CYREN: variants seen among roughly 807,000 people sequenced by gnomAD.
CYREN encodes cell cycle regulator of NHEJ.
In CYREN, 7 loss-of-function variants were observed where a neutral mutation model predicts 9.7. The observed-to-expected ratio is 0.72, with a 90% CI of 0.41 to 1.36. CYREN has a LOEUF of 1.36. CYREN is among the 40% of genes most tolerant of loss of function. CYREN has a pLI of 0.01. For synonymous variants in CYREN, 76 were observed against 77.9 expected (o/e 0.98, Z 0.13); for missense variants, 215 against 198.1 (o/e 1.09, Z -0.51).
At chr7:135,135,006 C>A in intron 2 of CYREN, 1 of 1,551,064 alleles carries the variant, frequency 6.4e-7, no homozygotes, top group South Asian at 1.2e-5. Flanking sequence ...TCAAAGGCCC[C>A]AAGAAGAATA....
chr7:135,165,150 G>A (rs2117479556), downstream of CYREN: 1 of 839,676 alleles, frequency 1.2e-6, no homozygotes, highest in East Asian at 2.7e-5. Context: ...AAGAGGCCGA[G>A]GGGCAGCAAG....
intron 2 of CYREN, among the ~76,000 whole-genome samples, chr7:135,108,665 A>G (rs1423046940): frequency 2.0e-5 from 3 of 151,916 alleles, no homozygotes; most frequent in African/African-American, 7.3e-5. Context: ...TCTGATGTTT[A>G]TGTGTCTTGG....
rs76824052 is a variant in CYREN at position 135,121,552 on chromosome 7, GAAA to G, written n.357-26973_357-26971del. On this transcript the variant is annotated intron_variant and non_coding_transcript_variant, in intron 2 of 2. Coordinates refer to the CYREN transcript ENST00000459937. ...GAAATCAATAGCCAAAGGGTAATAG[GAAA>G]AAAAAAAAAAAACCTAAACATTTGG... Among the ~76,000 whole-genome samples, 74 of 123,644 alleles carry G rather than the reference GAAA, an allele frequency of 6.0e-4. 1 individual carries two copies. Among genetic ancestry groups the G allele is most frequent in the African/African-American group, 2.0e-3 (68 of 33,514 alleles). 81.1% of individuals were successfully genotyped at this position (123,644 alleles called of 152,430 possible).
At chr7:135,135,014 A>G (rs1255171113) in intron 2 of CYREN, 1 of 1,551,228 alleles carries the variant, frequency 6.4e-7, no homozygotes, top group Non-Finnish European at 8.7e-7. Flanking sequence ...CCCAAGAAGA[A>G]TAAACATTCT....
chr7:135,099,944 G>A (rs1236838988), intron 2 of CYREN: 6 of 125,576 alleles, frequency 4.8e-5, no homozygotes, highest in Middle Eastern at 6.1e-3. Flanking sequence ...CTGGAGTGCA[G>A]TGGCATGATC....
chr7:135,160,542 C>T (rs1829904125), intron 2 of CYREN, among the ~76,000 whole-genome samples: 1 of 152,128 alleles, frequency 6.6e-6, no homozygotes, highest in South Asian at 2.1e-4. Context: ...TCCACCCTCT[C>T]CATACACAAG....
chr7:135,162,814 A>G (rs964527836), downstream of CYREN, among the ~76,000 whole-genome samples: 5 of 152,240 alleles, frequency 3.3e-5, no homozygotes, highest in African/African-American at 9.6e-5. Flanking sequence ...TGTAAAATAC[A>G]GTGTGCAGAC....
At chr7:135,116,425 T>A (rs921638847) in intron 2 of CYREN, among the ~76,000 whole-genome samples, 6 of 152,182 alleles carry the variant, frequency 3.9e-5, no homozygotes, top group African/African-American at 1.2e-4. Context: ...TATGAATACT[T>A]TCATAAGAAA....
chr7:135,147,625 A>G (rs1829572898), intron 2 of CYREN, among the ~76,000 whole-genome samples: 1 of 152,218 alleles, frequency 6.6e-6, no homozygotes. Context: ...TTTTGTGTCC[A>G]GAGAAGCCCA....
At chr7:135,167,636 C>T (rs566007889) in intron 3 of CYREN, 96 bp downstream of exon 3, 27 of 1,554,200 alleles carry the variant, frequency 1.7e-5, no homozygotes, top group Admixed American at 1.6e-4. Flanking sequence ...AGGTAGCCTA[C>T]GGCAGAGGGC....
intron 2 of CYREN, among the ~76,000 whole-genome samples, chr7:135,121,733 T>A (rs1225422296): frequency 6.6e-6 from 1 of 152,070 alleles, no homozygotes; most frequent in African/African-American, 2.4e-5. Flanking sequence ...CAGAACTGAC[T>A]AGGAGGCTGG....
chr7:135,128,452 G>C (rs1828261832), intron 2 of CYREN: 1 of 728,286 alleles, frequency 1.4e-6, no homozygotes, highest in Admixed American at 1.9e-5. Context: ...AATGTCAGAA[G>C]ACCAAGAAGC....
At chr7:135,109,386 G>A (rs549777398) in intron 2 of CYREN, among the ~76,000 whole-genome samples, 1 of 151,704 alleles carries the variant, frequency 6.6e-6, no homozygotes, top group South Asian at 2.1e-4. Flanking sequence ...GCTGCTATTG[G>A]CTCGATAGCC....
At chr7:135,124,268 A>G (rs1341766074) in intron 2 of CYREN, among the ~76,000 whole-genome samples, 1 of 152,056 alleles carries the variant, frequency 6.6e-6, no homozygotes, top group Non-Finnish European at 1.5e-5. Flanking sequence ...GACAAAATAG[A>G]CTTTAAACCA....
downstream of CYREN, among the ~76,000 whole-genome samples, chr7:135,163,527 C>T (rs1830002063): frequency 6.6e-6 from 1 of 152,092 alleles, no homozygotes; most frequent in Admixed American, 6.6e-5. Flanking sequence ...TGCCTGTAGT[C>T]CCAGCTACTC....
At chr7:135,135,961 G>A (rs1331872110) in intron 2 of CYREN, among the ~76,000 whole-genome samples, 6 of 152,058 alleles carry the variant, frequency 3.9e-5, no homozygotes, top group Non-Finnish European at 8.8e-5. Context: ...CCTTTACAGC[G>A]AATTGGTTTA....
intron 2 of CYREN, among the ~76,000 whole-genome samples, chr7:135,096,151 C>CAAA (rs201040922): frequency 0.079 from 11,711 of 147,794 alleles, 493 homozygotes; most frequent in Middle Eastern, 0.2. Context: ...GACTCTCTCT[C>CAAA]AAAAAAAAAA....
At chr7:135,129,334 AATT>A in intron 2 of CYREN, 1 of 1,161,076 alleles carries the variant, frequency 8.6e-7, no homozygotes, top group South Asian at 1.2e-5. Context: ...ACTGCAGAGA[AATT>A]AATAGACTTA....
At chr7:135,148,098 C>T (rs1263110325) in intron 2 of CYREN, 6 of 456,118 alleles carry the variant, frequency 1.3e-5, no homozygotes, top group East Asian at 1.4e-4. Flanking sequence ...GGCACGACTG[C>T]GAAGGCAAGG....
Sources: gnomAD v4.1 joint callset for allele counts (sites outside exome capture counted in the v4.1 genomes callset) on GRCh38, gnomAD v4.1.1 for gene constraint, MANE v1.5 for transcripts, NCBI Gene and HGNC (gene_info 2026-07-23, HGNC 2026-07-21) for gene names.